The following PTGER3 variants were observed in gnomAD, a reference collection of about 807,000 sequenced individuals.
The protein encoded by PTGER3 is prostaglandin E receptor 3.
Under a neutral mutation model 34.7 loss-of-function variants are expected in PTGER3, and 22 were observed. That is an observed-to-expected ratio of 0.63 (90% CI 0.45 to 0.91). The LOEUF (loss-of-function observed/expected upper bound fraction) is 0.91. PTGER3 is among the 40% of genes least tolerant of loss of function. The pLI is 0.00. For missense variants in PTGER3, 468 were observed against 519.4 expected, an observed-to-expected ratio of 0.90 and a Z score of 0.96; for synonymous variants, 241 against 230.1, an observed-to-expected ratio of 1.05 and a Z score of -0.43.
At chr1:70,923,209 GT>G (rs34738930) in intron 4 of PTGER3, among the ~76,000 whole-genome samples, 53,033 of 148,716 alleles carry the variant, frequency 0.36, 9,508 homozygotes, top group Middle Eastern at 0.52. Context: ...ATGGTGCTTG[GT>G]TTTTTTTTTT....
Position 71,025,566 on chromosome 1 carries a change from C to A in PTGER3, c.898-13082G>T, listed in dbSNP as rs1258915541. Among the ~76,000 whole-genome samples the A allele has an allele frequency of 5.3e-5, 8 of 152,222 alleles. No individual in the cohort carries two copies. The East Asian group carries it at 1.4e-3, about 26-fold the overall frequency. ...GTAAGTGTTATATATGATTCTAGCACTCCTTGCTTATAGAAGTTTTGCCCA... is the reference window on the plus strand; with the variant it reads ...GTAAGTGTTATATATGATTCTAGCAATCCTTGCTTATAGAAGTTTTGCCCA... On this transcript the variant is annotated intron_variant, in intron 1 of 3. Coordinates refer to ENST00000306666, the MANE Select transcript of PTGER3 (RefSeq NM_198719.2).
chr1:70,971,491 A>G lies in PTGER3; in HGVS notation c.*239T>C, dbSNP rs906798454. ...ATCATCATCTGTGAAATTCTTCCCA[A>G]CTTCTTAAATGCATATTCAAAATCC... On this transcript the variant is annotated 3_prime_UTR_variant, in exon 4 of 4. Transcript: ENST00000306666. The G allele has an allele frequency of 6.9e-5, 82 of 1,188,788 alleles. No homozygotes were observed. The highest frequency in any genetic ancestry group is 7.6e-5 in the Non-Finnish European group (73 of 955,378). 73.6% of individuals were successfully genotyped at this position (1,188,788 alleles called of 1,614,324 possible).
intron 2 of PTGER3, among the ~76,000 whole-genome samples, chr1:70,990,198 C>T (rs1414141291): frequency 1.3e-5 from 2 of 149,408 alleles, no homozygotes; most frequent in South Asian, 4.2e-4. Flanking sequence ...CTAAAAAATA[C>T]AAAAAAAAAT....
intron 3 of PTGER3, among the ~76,000 whole-genome samples, chr1:70,973,149 T>A (rs1387301529): frequency 6.6e-6 from 1 of 151,324 alleles, no homozygotes; most frequent in Non-Finnish European, 1.5e-5. Flanking sequence ...TGTGTGTGTG[T>A]GTGTGTTATA....
At chr1:70,884,626 C>T (rs892565004) in intron 4 of PTGER3, among the ~76,000 whole-genome samples, 2 of 152,190 alleles carry the variant, frequency 1.3e-5, no homozygotes, top group African/African-American at 4.8e-5. Context: ...CAAGCTAATG[C>T]ATACCCAGAT....
chr1:70,852,709 T>TG, exon 5 of PTGER3: 1 of 1,097,542 alleles, frequency 9.1e-7, no homozygotes, highest in East Asian at 2.4e-5. Flanking sequence ...CAGTTATATT[T>TG]GGGGGTGGGC....
intron 4 of PTGER3, among the ~76,000 whole-genome samples, chr1:70,934,604 T>A (rs1009288946): frequency 6.6e-6 from 1 of 152,196 alleles, no homozygotes; most frequent in African/African-American, 2.4e-5. Context: ...AATACTAAAC[T>A]ATAAATATGC....
chr1:70,947,154 AACTTCTGTGGATATATCT>A (rs1650296530), intron 4 of PTGER3, among the ~76,000 whole-genome samples: 1 of 152,128 alleles, frequency 6.6e-6, no homozygotes, highest in African/African-American at 2.4e-5. Context: ...TAAACATGGT[AACTTCTGTGGATATATCT>A]AACACCATGC....
At chr1:70,864,253 T>TTA (rs2100499272) in intron 4 of PTGER3, among the ~76,000 whole-genome samples, 1 of 152,208 alleles carries the variant, frequency 6.6e-6, no homozygotes, top group South Asian at 2.1e-4. Context: ...AAGACTCCTA[T>TTA]TATATATATC....
chr1:70,986,431 T>C (rs1358498361), intron 2 of PTGER3, among the ~76,000 whole-genome samples: 1 of 152,112 alleles, frequency 6.6e-6, no homozygotes, highest in Non-Finnish European at 1.5e-5. Context: ...CAGCAGTTCC[T>C]ATGAGGGGAC....
At chr1:70,990,469 T>C (rs1001064183) in intron 2 of PTGER3, among the ~76,000 whole-genome samples, 3 of 149,528 alleles carry the variant, frequency 2.0e-5, no homozygotes, top group South Asian at 2.1e-4. Flanking sequence ...ATTATACATA[T>C]ATATACACAT....
intron 4 of PTGER3, among the ~76,000 whole-genome samples, chr1:70,856,918 C>T (rs1645818981): frequency 1.3e-5 from 2 of 152,160 alleles, no homozygotes; most frequent in African/African-American, 4.8e-5. Context: ...CTTCCACCAC[C>T]ACAAAGATTT....
intron 1 of PTGER3, among the ~76,000 whole-genome samples, chr1:71,042,277 G>A (rs2100998123): frequency 6.7e-6 from 1 of 149,336 alleles, no homozygotes; most frequent in East Asian, 2.0e-4. Flanking sequence ...TTCTCATTGG[G>A]CTGGGTTTTG....
Position 70,974,380 on chromosome 1 carries a change from G to A in PTGER3, c.1086C>T (p.Tyr362=). 1 of 1,031,302 alleles carries A rather than the reference G, an allele frequency of 9.7e-7. No individual in the cohort carries two copies. The highest frequency in any genetic ancestry group is 1.5e-6 in the Non-Finnish European group (1 of 647,752). The allele number at this position is 1,031,302 out of a possible 1,614,324, so 63.9% of individuals were successfully genotyped here. The change falls in exon 3 of 4, where the codon TAC becomes TAT. Residue 362 remains tyrosine (Y), a synonymous_variant. Transcript: ENST00000306666. ...ILLRKFCQIR[Y]HTNNYASSST... is the part of the protein sequence containing the mutation. ...AGCTGGATGCATAGTTGTTTGTGTG[G>A]TACCTGATCTGTGAACAGACAGAGG...
intron 2 of PTGER3, among the ~76,000 whole-genome samples, chr1:70,965,322 CA>C (rs1463691133): frequency 6.6e-6 from 1 of 152,016 alleles, no homozygotes; most frequent in Non-Finnish European, 1.5e-5. Flanking sequence ...ACTCTGGCAG[CA>C]GGTGTGGAAA....
intron 1 of PTGER3, among the ~76,000 whole-genome samples, chr1:71,015,366 C>T (rs987226564): frequency 2.6e-5 from 4 of 152,248 alleles, no homozygotes; most frequent in African/African-American, 9.6e-5. Flanking sequence ...CGTAGGAACC[C>T]AGCTCCAAGG....
intron 4 of PTGER3, among the ~76,000 whole-genome samples, chr1:70,923,584 T>C (rs1647764904): frequency 2.0e-5 from 3 of 152,206 alleles, no homozygotes; most frequent in Admixed American, 2.0e-4. Flanking sequence ...TGTTCATGAA[T>C]ATTAAACAGA....
downstream of PTGER3, among the ~76,000 whole-genome samples, chr1:70,966,908 A>T (rs1371063165): frequency 2.0e-5 from 3 of 152,148 alleles, no homozygotes; most frequent in Non-Finnish European, 4.4e-5. Context: ...TGCAATAAAC[A>T]TACATGTTCA....
chr1:70,904,492 T>C (rs545842489), intron 4 of PTGER3, among the ~76,000 whole-genome samples: 49 of 152,198 alleles, frequency 3.2e-4, no homozygotes, highest in Non-Finnish European at 6.9e-4. Flanking sequence ...CTGATAGTGA[T>C]ATGAACGATA....
Sources: allele counts gnomAD v4.1 joint callset (sites outside exome capture counted in the v4.1 genomes callset), GRCh38; gene constraint gnomAD v4.1.1; transcripts MANE v1.5; gene names NCBI Gene and HGNC (gene_info 2026-07-23, HGNC 2026-07-21).